DTNA: variants seen among roughly 807,000 people sequenced by gnomAD.
The protein encoded by DTNA is dystrobrevin alpha.
A neutral mutation model predicts 100.7 loss-of-function variants in DTNA; 43 were observed. The ratio of observed to expected loss-of-function variants is 0.43; its 90% CI spans 0.33 to 0.55. The LOEUF (loss-of-function observed/expected upper bound fraction) is 0.55. DTNA is among the 20% of genes least tolerant of loss of function. The pLI is 0.04. For missense variants in DTNA, 798 were observed against 953.9 expected, an observed-to-expected ratio of 0.84 and a Z score of 2.15; for synonymous variants, 349 against 347.9, an observed-to-expected ratio of 1.00 and a Z score of -0.04.
rs138714374 is a variant in DTNA at position 34,609,809 on chromosome 18, A to G, written c.-2+116295A>G. Among the ~76,000 whole-genome samples, 20 of 152,326 alleles carry G rather than the reference A, an allele frequency of 1.3e-4. No homozygotes were observed. In the East Asian group the frequency reaches 2.3e-3, roughly 18 times the overall value. Reference sequence around the variant, plus strand: ...AAATAATGTTTAGTGAATTAACATTACTTTGCACTGTCTTGTATGTTTTAA... The same window carrying G: ...AAATAATGTTTAGTGAATTAACATTGCTTTGCACTGTCTTGTATGTTTTAA... On this transcript the variant is annotated intron_variant, in intron 1 of 19. Transcript: ENST00000283365.
chr18:34,871,694 C>T (rs2096767630), intron 17 of DTNA, among the ~76,000 whole-genome samples: 1 of 152,178 alleles, frequency 6.6e-6, no homozygotes, highest in East Asian at 1.9e-4. Context: ...GAGGCCACTG[C>T]CTTTTCCTAG....
chr18:34,554,946 A>G (rs1319871815), intron 1 of DTNA, among the ~76,000 whole-genome samples: 1 of 143,570 alleles, frequency 7.0e-6, no homozygotes, highest in Admixed American at 6.9e-5. Context: ...TTTCAGAAGG[A>G]ATGGTACCAG....
chr18:34,758,403 G>A (rs1054814122), intron 2 of DTNA, among the ~76,000 whole-genome samples: 1 of 152,190 alleles, frequency 6.6e-6, no homozygotes, highest in African/African-American at 2.4e-5. Context: ...AACAGGCAGG[G>A]AAGACTTTTA....
intron 1 of DTNA, among the ~76,000 whole-genome samples, chr18:34,496,277 G>C (rs539689740): frequency 6.7e-6 from 1 of 149,626 alleles, no homozygotes; most frequent in South Asian, 2.1e-4. Context: ...ATTTTGGGAT[G>C]CTACAGTGCA....
Position 34,875,288 on chromosome 18 carries a change from G to A in DTNA, c.1793G>A (p.Arg598Lys). 1 of 1,614,170 alleles carries A rather than the reference G, an allele frequency of 6.2e-7. No individual in the cohort carries two copies. Among genetic ancestry groups the A allele is most frequent in the Non-Finnish European group, 8.5e-7 (1 of 1,180,034 alleles). ...PRSSPSHTIS[R>K]PIPMPIRSAS... ...TCCTCCCCCAGCCACACCATCAGCA[G>A]GCCAATTCCCATGCCCATCCGGTCA... The change falls in exon 18 of 23, where the codon AGG becomes AAG. Residue 598 changes from arginine to lysine, a missense_variant. Coordinates refer to ENST00000444659, the MANE Select transcript of DTNA (RefSeq NM_001386795.1).
chr18:34,535,686 G>A (rs781308206), intron 1 of DTNA, among the ~76,000 whole-genome samples: 46 of 151,958 alleles, frequency 3.0e-4, no homozygotes, highest in Non-Finnish European at 4.0e-4. Flanking sequence ...GTAAGGAAGG[G>A]GTCCAGTTTC....
intron 1 of DTNA, among the ~76,000 whole-genome samples, chr18:34,512,199 C>T (rs1002577292): frequency 4.6e-5 from 7 of 151,904 alleles, no homozygotes; most frequent in African/African-American, 1.7e-4. Context: ...TATGGGACAG[C>T]AATGTTAGAT....
intron 9 of DTNA, among the ~76,000 whole-genome samples, chr18:34,823,454 C>T (rs1253077291): frequency 6.6e-6 from 1 of 152,140 alleles, no homozygotes; most frequent in Non-Finnish European, 1.5e-5. Context: ...ATAAAACACA[C>T]CAATACTCCC....
At chr18:34,669,568 T>A (rs2076449650) in intron 1 of DTNA, among the ~76,000 whole-genome samples, 1 of 152,246 alleles carries the variant, frequency 6.6e-6, no homozygotes, top group Non-Finnish European at 1.5e-5. Flanking sequence ...CTGGTAACAG[T>A]TGTCCCTTTC....
rs185680018 is a variant in DTNA, at chr18:34,777,728, C to T, written c.148+11687C>T. Among the ~76,000 whole-genome samples, 131 of 152,264 alleles carry T rather than the reference C, an allele frequency of 8.6e-4. 2 individuals carry two copies. The highest frequency in any genetic ancestry group is 3.1e-3 in the African/African-American group (129 of 41,532). ...ACTTATAAAACCATCAGCTCTCATGCGAACTCACTCACTATTATGAGAACA... is the reference window on the plus strand; with the variant it reads ...ACTTATAAAACCATCAGCTCTCATGTGAACTCACTCACTATTATGAGAACA... On this transcript the variant is annotated intron_variant, in intron 3 of 22. Coordinates refer to ENST00000444659, the MANE Select transcript of DTNA (RefSeq NM_001386795.1).
intron 1 of DTNA, among the ~76,000 whole-genome samples, chr18:34,501,116 T>C (rs2144602803): frequency 6.6e-6 from 1 of 152,290 alleles, no homozygotes; most frequent in East Asian, 1.9e-4. Context: ...CTTTATCAAA[T>C]TGAAGAATTT....
chr18:34,701,010 A>G (rs539221322), intron 1 of DTNA, among the ~76,000 whole-genome samples: 6 of 152,212 alleles, frequency 3.9e-5, no homozygotes, highest in South Asian at 4.2e-4. Context: ...CCTCTTAAGG[A>G]CTGAGTGCAT....
chr18:34,748,927 A>G (rs938417703), intron 1 of DTNA, among the ~76,000 whole-genome samples: 1 of 152,168 alleles, frequency 6.6e-6, no homozygotes, highest in Non-Finnish European at 1.5e-5. Context: ...GATTCTACCC[A>G]TCCATGAGCA....
intron 1 of DTNA, among the ~76,000 whole-genome samples, chr18:34,742,960 G>A (rs1223937530): frequency 1.3e-5 from 2 of 152,088 alleles, no homozygotes; most frequent in East Asian, 1.9e-4. Flanking sequence ...AAAAGAAGGC[G>A]CCTTCCCACC....
At chr18:34,883,997 T>TG (rs1568904694) in intron 21 of DTNA, among the ~76,000 whole-genome samples, 1 of 152,182 alleles carries the variant, frequency 6.6e-6, no homozygotes, top group Non-Finnish European at 1.5e-5. Flanking sequence ...CAGTTTTCCT[T>TG]GCGCCTTCTA....
intron 16 of DTNA, among the ~76,000 whole-genome samples, 190 bp downstream of exon 16, chr18:34,858,588 T>C (rs554704219): frequency 2.0e-4 from 31 of 152,340 alleles, no homozygotes; most frequent in Admixed American, 3.9e-4. Flanking sequence ...TGTTCTTTCA[T>C]TTGGTACAGG....
intron 1 of DTNA, among the ~76,000 whole-genome samples, chr18:34,537,293 A>G (rs775908612): frequency 3.3e-5 from 5 of 152,142 alleles, no homozygotes; most frequent in African/African-American, 1.2e-4. Flanking sequence ...GTAATTTTCT[A>G]TCAACTGTCT....
rs916886593 is a variant in DTNA at position 34,806,270 on chromosome 18, A to G, written c.414A>G (p.Thr138=). The change falls in exon 5 of 23, where the codon ACA becomes ACG. Residue 138 remains threonine, a synonymous_variant. Transcript: ENST00000444659. ...SVFAVKMALA[T]LCGGKIMDKL... ...TTGCTGTCAAAATGGCTTTAGCCACATTGTGTGGAGGGAAGATCATGGACA... is the reference window on the plus strand; with the variant it reads ...TTGCTGTCAAAATGGCTTTAGCCACGTTGTGTGGAGGGAAGATCATGGACA... 3 of 1,613,832 alleles carry G rather than the reference A, an allele frequency of 1.9e-6. No individual in the cohort carries two copies. The highest frequency in any genetic ancestry group is 2.7e-5 in the African/African-American group (2 of 74,910).
At position 34,734,345 on chromosome 18, in the gene DTNA, G is replaced by A. The variant is rs141953183; in HGVS notation, c.-1-21631G>A. Among the ~76,000 whole-genome samples the A allele has an allele frequency of 4.0e-5, 6 of 151,812 alleles. No individual in the cohort carries two copies. The East Asian group carries it at 1.2e-3, about 29-fold the overall frequency. On this transcript the variant is annotated intron_variant, in intron 1 of 22. Transcript: ENST00000444659. ...GGGGATGGGAAAGCTCTTTCTTCTG[G>A]CAAAAAAAAGGTTCATCAGAGTTTA...
Sources: gnomAD v4.1 joint callset for allele counts (sites outside exome capture counted in the v4.1 genomes callset) on GRCh38, gnomAD v4.1.1 for gene constraint, MANE v1.5 for transcripts, NCBI Gene and HGNC (gene_info 2026-07-23, HGNC 2026-07-21) for gene names.